Variants in CAMK2D observed in about 807,000 individuals in gnomAD.
The protein encoded by CAMK2D is calcium/calmodulin dependent protein kinase II delta, also known as calcium/calmodulin-dependent protein kinase type II subunit delta.
A neutral mutation model predicts 84.0 loss-of-function variants in CAMK2D; 37 were observed. The ratio of observed to expected loss-of-function variants is 0.44; its 90% CI spans 0.34 to 0.58. CAMK2D has a LOEUF of 0.58. Among genes scored for constraint, CAMK2D ranks in the 20% least tolerant of loss-of-function variants. CAMK2D has a pLI of 0.02. For synonymous variants in CAMK2D, 202 were observed against 212.5 expected (o/e 0.95, Z 0.43); for missense variants, 448 against 652.5 (o/e 0.69, Z 3.41).
chr4:113,673,718 T>C (rs1013406914), intron 2 of CAMK2D, among the ~76,000 whole-genome samples: 2 of 152,226 alleles, frequency 1.3e-5, no homozygotes, highest in Non-Finnish European at 2.9e-5. Flanking sequence ...GGAAGTCAGG[T>C]GACAAAGAGT....
At chr4:113,542,701 C>T (rs1432299272) in intron 6 of CAMK2D, among the ~76,000 whole-genome samples, 7 of 146,262 alleles carry the variant, frequency 4.8e-5, no homozygotes, top group African/African-American at 1.3e-4. Flanking sequence ...GGCAACAGAG[C>T]GAGATTCCGT....
intron 2 of CAMK2D, among the ~76,000 whole-genome samples, chr4:113,726,559 T>C (rs2099546794): frequency 6.7e-6 from 1 of 150,188 alleles, no homozygotes; most frequent in South Asian, 2.1e-4. Context: ...TTTTTGTTTG[T>C]TTGTTTGTTT....
At position 113,451,778 on chromosome 4, in the gene CAMK2D, T is replaced by A. The variant is rs952327182; in HGVS notation, c.*2767A>T. On this transcript the variant is annotated 3_prime_UTR_variant, in exon 21 of 21. Transcript: ENST00000511664. ...AAATAGAAATATATTTTCAAAACAA[T>A]GTGGTTGACAGGAGAGGTAAATACA... 1 of 152,180 alleles carries A rather than the reference T, an allele frequency of 6.6e-6. No homozygotes were observed. Among genetic ancestry groups the A allele is most frequent in the African/African-American group, 2.4e-5 (1 of 41,432 alleles). 9.4% of individuals were successfully genotyped at this position (152,180 alleles called of 1,614,324 possible).
chr4:113,662,388 T>C (rs1561675929), intron 2 of CAMK2D, among the ~76,000 whole-genome samples: 1 of 152,220 alleles, frequency 6.6e-6, no homozygotes, highest in Non-Finnish European at 1.5e-5. Flanking sequence ...TATAGACTTG[T>C]GTTTTAAGAA....
At chr4:113,533,455 T>C (rs2098470791) in intron 7 of CAMK2D, among the ~76,000 whole-genome samples, 1 of 152,062 alleles carries the variant, frequency 6.6e-6, no homozygotes, top group Admixed American at 6.6e-5. Context: ...GAGCTTGCCT[T>C]TTTTAGGGAT....
rs886368872 is a variant in CAMK2D, at chr4:113,453,375, TA to T, written c.*1169del. ...CAAGGCGGAGGTGAGTGCGTTTGCA[TA>T]AAACCCCCTCTGCTATCAAGTTGGT... On this transcript the variant is annotated 3_prime_UTR_variant, in exon 21 of 21. Coordinates refer to ENST00000511664, the MANE Select transcript of CAMK2D (RefSeq NM_001321571.2). 8.5e-5 allele frequency: 13 copies of T among 152,116 alleles called. No homozygotes were observed. The highest frequency in any genetic ancestry group is 1.5e-4 in the Non-Finnish European group (10 of 68,022). The allele number at this position is 152,116 out of a possible 1,614,324, so 9.4% of individuals were successfully genotyped here. A position where few individuals can be genotyped will look rare whatever the true frequency, so the allele number is the denominator to read the frequency against.
At chr4:113,653,474 T>C (rs2099184485) in intron 3 of CAMK2D, among the ~76,000 whole-genome samples, 1 of 152,024 alleles carries the variant, frequency 6.6e-6, no homozygotes, top group Admixed American at 6.6e-5. Context: ...AAAAATTACT[T>C]ACTCTTGTTT....
intron 2 of CAMK2D, among the ~76,000 whole-genome samples, chr4:113,726,373 GCTTT>G (rs1003014157): frequency 3.9e-5 from 5 of 128,000 alleles, no homozygotes; most frequent in African/African-American, 1.5e-4. Flanking sequence ...TTTTGCTTGG[GCTTT>G]TTTTTTTTTT....
At chr4:113,497,132 T>A (rs1401163076) in intron 16 of CAMK2D, among the ~76,000 whole-genome samples, 1 of 151,718 alleles carries the variant, frequency 6.6e-6, no homozygotes, top group African/African-American at 2.4e-5. Context: ...TTTTTTTAGG[T>A]AAAACATGCA....
chr4:113,700,327 C>A (rs2099414150), intron 2 of CAMK2D, among the ~76,000 whole-genome samples: 1 of 152,104 alleles, frequency 6.6e-6, no homozygotes, highest in South Asian at 2.1e-4. Flanking sequence ...GGGATAAATT[C>A]TTTCGGGTTG....
intron 2 of CAMK2D, among the ~76,000 whole-genome samples, chr4:113,719,553 T>C (rs565780294): frequency 1.3e-5 from 2 of 152,236 alleles, no homozygotes; most frequent in Admixed American, 6.5e-5. Context: ...AATTTGTCTT[T>C]TGACAATCCT....
chr4:113,663,731 C>A lies in CAMK2D; in HGVS notation c.161-1959G>T, dbSNP rs1014315505. ...TGATTTTTTTATATATATAAATCAT[C>A]TGAAAAATATATAATTACATTAAAA... is the stretch of plus-strand genomic sequence containing the variant. On this transcript the variant is annotated intron_variant, in intron 2 of 20. Coordinates refer to ENST00000511664, the MANE Select transcript of CAMK2D (RefSeq NM_001321571.2). 4.6e-5 allele frequency among the ~76,000 whole-genome samples: 7 copies of A among 150,722 alleles called. No individual in the cohort carries two copies. The East Asian group carries it at 1.4e-3, about 29-fold the overall frequency.
intron 3 of CAMK2D, among the ~76,000 whole-genome samples, chr4:113,613,455 A>G (rs1378874980): frequency 6.6e-6 from 1 of 152,208 alleles, no homozygotes; most frequent in East Asian, 1.9e-4. Context: ...AAAGAGAAGA[A>G]ATAAAAAAAT....
rs940099468 is a variant in CAMK2D, at chr4:113,493,211, T to A, written c.1135+7252A>T. Among the ~76,000 whole-genome samples the A allele has an allele frequency of 1.8e-4, 27 of 151,882 alleles. 1 individual carries two copies. Among genetic ancestry groups the A allele is most frequent in the African/African-American group, 6.5e-4 (27 of 41,406 alleles). ...TGATGTTAGCTGGTTATTTTGCTCG[T>A]TAGTTGATGCAGTTTCTTCCTAGTC... On this transcript the variant is annotated intron_variant, in intron 16 of 20. Coordinates refer to ENST00000511664, the MANE Select transcript of CAMK2D (RefSeq NM_001321571.2).
chr4:113,517,658 C>CT lies in CAMK2D; in HGVS notation c.602-2dup. 7.1e-7 allele frequency: 1 copy of CT among 1,414,256 alleles called. No individual in the cohort carries two copies. Among genetic ancestry groups the CT allele is most frequent in the South Asian group, 1.2e-5 (1 of 86,324 alleles). The allele number at this position is 1,414,256 out of a possible 1,614,324, so 87.6% of individuals were successfully genotyped here. A position where few individuals can be genotyped will look rare whatever the true frequency, so the allele number is the denominator to read the frequency against. Reference sequence around the variant, plus strand: ...ACAAGTAGAATATAGAGAATGACACCTGGAGGAGAATATAATGTTAACACA... The same window carrying CT: ...ACAAGTAGAATATAGAGAATGACACCTTGGAGGAGAATATAATGTTAACACA... On this transcript the variant is annotated splice_acceptor_variant, in intron 8 of 20. Transcript: ENST00000511664. LOFTEE classifies it high-confidence loss of function.
rs1007045552 is a variant in CAMK2D at position 113,733,730 on chromosome 4, T to A, written c.160+25590A>T. On this transcript the variant is annotated intron_variant, in intron 2 of 20. Coordinates refer to ENST00000511664, the MANE Select transcript of CAMK2D (RefSeq NM_001321571.2). ...ACTTTATTTTTTAAATACAGAAACA[T>A]AGACTCTGCTCAAGCATGTAGCTTT... is the stretch of plus-strand genomic sequence containing the variant. Among the ~76,000 whole-genome samples, 4 of 152,316 alleles carry A rather than the reference T, an allele frequency of 2.6e-5. No homozygotes were observed. The East Asian group carries it at 7.7e-4, about 29-fold the overall frequency.
At chr4:113,713,130 T>G (rs530307040) in intron 2 of CAMK2D, among the ~76,000 whole-genome samples, 1 of 152,128 alleles carries the variant, frequency 6.6e-6, no homozygotes, top group East Asian at 1.9e-4. Flanking sequence ...ATTACCCTAC[T>G]GAGGAGATGG....
chr4:113,681,900 T>C (rs1327607653), intron 2 of CAMK2D, among the ~76,000 whole-genome samples: 1 of 152,154 alleles, frequency 6.6e-6, no homozygotes, highest in African/African-American at 2.4e-5. Flanking sequence ...AGTTCCATTT[T>C]GTCATTTGAT....
intron 3 of CAMK2D, among the ~76,000 whole-genome samples, chr4:113,640,606 G>GT (rs1428005764): frequency 6.6e-6 from 1 of 152,212 alleles, no homozygotes; most frequent in Admixed American, 6.5e-5. Flanking sequence ...GAGACATCAA[G>GT]TAAGACCAGA....
Sources: gnomAD v4.1 joint callset for allele counts (sites outside exome capture counted in the v4.1 genomes callset) on GRCh38, gnomAD v4.1.1 for gene constraint, MANE v1.5 for transcripts, NCBI Gene and HGNC (gene_info 2026-07-23, HGNC 2026-07-21) for gene names.